The following BICC1 variants were observed in gnomAD, a reference collection of about 807,000 sequenced individuals.
BICC1 encodes the protein BicC family RNA binding protein 1, also known as protein bicaudal C homolog 1.
BICC1 carries 43 observed loss-of-function variants against 111.0 expected under a neutral mutation model. That is an observed-to-expected ratio of 0.39 (90% confidence interval 0.30 to 0.50). The LOEUF is 0.50. BICC1 is among the 20% of genes least tolerant of loss of function. The pLI is 0.88. For synonymous variants in BICC1, 467 were observed against 434.4 expected (o/e 1.07, Z -0.93); for missense variants, 1,091 against 1,203.2 (o/e 0.91, Z 1.38).
intron 3 of BICC1, among the ~76,000 whole-genome samples, chr10:58,754,084 G>A (rs897329305): frequency 6.6e-6 from 1 of 152,122 alleles, no homozygotes; most frequent in African/African-American, 2.4e-5. Context: ...AGCATACTGT[G>A]TGTTTCTAAA....
chr10:58,616,314 G>A (rs1845605044), intron 1 of BICC1, among the ~76,000 whole-genome samples: 1 of 152,212 alleles, frequency 6.6e-6, no homozygotes, highest in Non-Finnish European at 1.5e-5. Flanking sequence ...TCAGAGATGT[G>A]GATTGATTTG....
At chr10:58,725,130 T>G (rs1478517885) in intron 3 of BICC1, among the ~76,000 whole-genome samples, 1 of 152,202 alleles carries the variant, frequency 6.6e-6, no homozygotes, top group East Asian at 1.9e-4. Context: ...TACTTTCCTG[T>G]TCTGTGCATG....
At chr10:58,750,279 A>G (rs1589099860) in intron 3 of BICC1, among the ~76,000 whole-genome samples, 1 of 152,074 alleles carries the variant, frequency 6.6e-6, no homozygotes, top group Non-Finnish European at 1.5e-5. Context: ...AAAGTTTTAT[A>G]CTCAGTGTGT....
At chr10:58,637,525 T>C (rs887858363) in intron 2 of BICC1, among the ~76,000 whole-genome samples, 6 of 152,228 alleles carry the variant, frequency 3.9e-5, no homozygotes, top group Admixed American at 1.3e-4. Context: ...TGCCGCTGGT[T>C]CTGATGTTCA....
At chr10:58,712,896 T>A (rs143416477) in intron 3 of BICC1, among the ~76,000 whole-genome samples, 166 of 152,274 alleles carry the variant, frequency 1.1e-3, no homozygotes, top group Middle Eastern at 0.01. Context: ...TTCTCTGTAC[T>A]TTCCACTTGA....
Position 58,781,876 on chromosome 10 carries a change from A to G in BICC1, c.308-3125A>G, listed in dbSNP as rs558927232. On this transcript the variant is annotated intron_variant, in intron 3 of 20. Coordinates refer to ENST00000373886, the MANE Select transcript of BICC1 (RefSeq NM_001080512.3). ...AGGGAATGAAAAACACAATGCTGCT[A>G]GCCACTTTAGCAATCTAAACCAGAA... Among the ~76,000 whole-genome samples, 120 of 152,328 alleles carry G rather than the reference A, an allele frequency of 7.9e-4. 2 individuals carry two copies. Among genetic ancestry groups the G allele is most frequent in the Non-Finnish European group, 1.5e-3 (103 of 68,026 alleles).
intron 1 of BICC1, among the ~76,000 whole-genome samples, chr10:58,606,035 A>G (rs1369643758): frequency 2.0e-5 from 3 of 151,902 alleles, no homozygotes; most frequent in African/African-American, 7.3e-5. Flanking sequence ...CATGGTTAAG[A>G]TTTCAGATAA....
At chr10:58,547,630 G>T (rs899346487) in intron 1 of BICC1, among the ~76,000 whole-genome samples, 2 of 152,076 alleles carry the variant, frequency 1.3e-5, no homozygotes, top group African/African-American at 4.8e-5. Context: ...GAATTCTTCT[G>T]CATAAGAGAT....
At chr10:58,792,532 G>A (rs1489780417) in intron 8 of BICC1, among the ~76,000 whole-genome samples, 5 of 152,094 alleles carry the variant, frequency 3.3e-5, no homozygotes, top group African/African-American at 9.7e-5. Context: ...TCACATGACC[G>A]CCTGAGCTCC....
intron 3 of BICC1, among the ~76,000 whole-genome samples, chr10:58,716,493 C>T (rs1179562108): frequency 2.0e-5 from 3 of 152,094 alleles, no homozygotes; most frequent in Non-Finnish European, 4.4e-5. Context: ...TTTTTCTCTT[C>T]CAGTGCTTGA....
At chr10:58,680,084 T>C (rs990320675) in intron 2 of BICC1, among the ~76,000 whole-genome samples, 2 of 152,206 alleles carry the variant, frequency 1.3e-5, no homozygotes, top group Non-Finnish European at 2.9e-5. Context: ...AATATCATAC[T>C]GAATGGGCAT....
At chr10:58,626,145 T>TA (rs1278250189) in intron 2 of BICC1, among the ~76,000 whole-genome samples, 2 of 152,214 alleles carry the variant, frequency 1.3e-5, no homozygotes, top group African/African-American at 4.8e-5. Flanking sequence ...GAGTATTTGA[T>TA]ATCTTGATGG....
At chr10:58,734,008 G>A (rs974327485) in intron 3 of BICC1, among the ~76,000 whole-genome samples, 3 of 152,178 alleles carry the variant, frequency 2.0e-5, no homozygotes, top group African/African-American at 7.2e-5. Flanking sequence ...GATTTGTATT[G>A]ATCTCTGCCC....
At chr10:58,738,946 CTT>C (rs549891157) in intron 3 of BICC1, among the ~76,000 whole-genome samples, 5,603 of 152,054 alleles carry the variant, frequency 0.037, 386 homozygotes, top group African/African-American at 0.13. Context: ...TATCCTGAGA[CTT>C]TGCTGAATTT....
chr10:58,608,865 A>G (rs568060894), intron 1 of BICC1, among the ~76,000 whole-genome samples: 6 of 152,342 alleles, frequency 3.9e-5, no homozygotes, highest in African/African-American at 1.2e-4. Flanking sequence ...AAAGAAATAC[A>G]TAAGTATTTT....
At chr10:58,523,572 C>T (rs1480962734) in intron 1 of BICC1, among the ~76,000 whole-genome samples, 4 of 152,050 alleles carry the variant, frequency 2.6e-5, no homozygotes, top group African/African-American at 4.8e-5. Flanking sequence ...TAAGAGCTAT[C>T]TATGACAAAC....
intron 2 of BICC1, among the ~76,000 whole-genome samples, chr10:58,644,497 G>C (rs1212894254): frequency 6.6e-6 from 1 of 152,066 alleles, no homozygotes; most frequent in Non-Finnish European, 1.5e-5. Context: ...ACCCGTCCCC[G>C]TGCCTGGGAA....
intron 2 of BICC1, among the ~76,000 whole-genome samples, chr10:58,631,680 A>C (rs1437356098): frequency 2.0e-5 from 3 of 152,206 alleles, no homozygotes; most frequent in Non-Finnish European, 2.9e-5. Context: ...ACTGACAATA[A>C]GCAAAATATA....
intron 3 of BICC1, among the ~76,000 whole-genome samples, chr10:58,769,373 TGTATGTGTG>T (rs1476704619): frequency 1.2e-5 from 1 of 82,662 alleles, no homozygotes; most frequent in Non-Finnish European, 2.6e-5. Context: ...AGTTTTATAA[TGTATGTGTG>T]TGTGTGTGTG....
Sources: allele counts gnomAD v4.1 joint callset (sites outside exome capture counted in the v4.1 genomes callset), GRCh38; gene constraint gnomAD v4.1.1; transcripts MANE v1.5; gene names NCBI Gene and HGNC (gene_info 2026-07-23, HGNC 2026-07-21).